The following MSL3 variants were observed in gnomAD, a reference collection of about 807,000 sequenced individuals.
MSL3 encodes MSL complex subunit 3.
Under a neutral mutation model 37.2 loss-of-function variants are expected in MSL3, and 5 were observed. The observed-to-expected ratio is 0.13, with a 90% CI of 0.07 to 0.28. MSL3 has a LOEUF of 0.28. Ranked by LOEUF, MSL3 falls within the 10% of genes least tolerant of loss-of-function variation. The pLI, the probability that MSL3 is intolerant of heterozygous loss-of-function variation, is 1.00. For synonymous variants in MSL3, 149 were observed against 147.6 expected, an observed-to-expected ratio of 1.01 and a Z score of -0.07; for missense variants, 315 against 408.5, an observed-to-expected ratio of 0.77 and a Z score of 1.97.
intron 9 of MSL3, chrX:11,767,357 G>A (rs973967264): frequency 1.7e-6 from 1 of 580,969 alleles, no homozygotes. Flanking sequence ...AAAGTTTTTA[G>A]TGTCTCCAGA....
intron 8 of MSL3, among the ~76,000 whole-genome samples, chrX:11,764,954 C>T (rs1007868500): frequency 6.2e-5 from 7 of 112,754 alleles, no homozygotes; most frequent in Admixed American, 2.8e-4. Context: ...GAGACTCCTC[C>T]GGGGTGGGTT....
At chrX:11,774,250 T>C (rs141643386) in intron 12 of MSL3, among the ~76,000 whole-genome samples, 2,473 of 112,791 alleles carry the variant, frequency 0.022, 59 homozygotes, top group African/African-American at 0.075. Flanking sequence ...TGTATGACTT[T>C]GCTCATATAA....
chrX:11,758,640 G>GC, intron 1 of MSL3: 11 of 1,158,081 alleles, frequency 9.5e-6, no homozygotes, highest in Admixed American at 2.7e-5. Context: ...TACCGTTTGC[G>GC]CCCCCGACTG....
intron 12 of MSL3, 130 bp downstream of exon 12, chrX:11,772,835 G>A: frequency 2.7e-6 from 1 of 375,157 alleles, no homozygotes; most frequent in East Asian, 4.5e-5. Context: ...AAGCATGGTT[G>A]GTTCTAACCG....
At chrX:11,765,423 G>A (rs1439823351) in intron 8 of MSL3, 44 bp from the exon 9 acceptor site, 2 of 1,153,026 alleles carry the variant, frequency 1.7e-6, no homozygotes, top group Admixed American at 2.7e-5. Context: ...CCATGTTCTG[G>A]AAAGGCCCTT....
rs200140696 is a variant in MSL3 at position 11,765,638 on chromosome X, G to C, written c.1080G>C (p.Arg360Ser). The change falls in exon 9 of 13, where the codon AGG becomes AGC. Residue 360 changes from arginine (R) to serine (S), a missense_variant. Physicochemically the swap from Arg to Ser is moderately radical, Grantham distance 110. Transcript: ENST00000312196. Reference protein sequence around the residue: ...RSTRHSANCDRLSESSASPQP... With the variant: ...RSTRHSANCDSLSESSASPQP... Reference sequence around the variant, plus strand: ...CGCGCCACAGTGCCAACTGTGACAGGCTTTCTGAGAGCAGCGCTTCACCTC... The same window carrying C: ...CGCGCCACAGTGCCAACTGTGACAGCCTTTCTGAGAGCAGCGCTTCACCTC... The C allele has an allele frequency of 8.3e-7, 1 of 1,210,220 alleles. No homozygotes were observed. Among genetic ancestry groups the C allele is most frequent in the Non-Finnish European group, 1.1e-6 (1 of 895,140 alleles).
At chrX:11,769,831 C>T (rs2053217261) in intron 10 of MSL3, among the ~76,000 whole-genome samples, 1 of 112,258 alleles carries the variant, frequency 8.9e-6, no homozygotes, top group Non-Finnish European at 1.9e-5. Context: ...GTCACCAACT[C>T]CTGAGCTCAA....
Position 11,775,061 on chromosome X carries a change from C to T in MSL3, c.1548C>T (p.Asn516=), listed in dbSNP as rs1225160878. The T allele has an allele frequency of 5.8e-6, 7 of 1,202,241 alleles. No homozygotes were observed. The highest frequency in any genetic ancestry group is 6.8e-6 in the Non-Finnish European group (6 of 887,771). Residue 516 remains asparagine, a synonymous_variant, in exon 13 of 13, where the codon AAC becomes AAT. Coordinates refer to ENST00000312196, the MANE Select transcript of MSL3 (RefSeq NM_078629.4). ...GTGAGGCACATTACAGCACCAAGAA[C>T]CCCCGGGCAATTTATTAAAATGTTG... The part of the protein sequence containing the change: ...AACEAHYSTK[N]PRAIY
At chrX:11,763,410 A>G (rs2053150467) in intron 7 of MSL3, among the ~76,000 whole-genome samples, 2 of 112,662 alleles carry the variant, frequency 1.8e-5, no homozygotes, top group African/African-American at 6.5e-5. Context: ...GAGAGGCAGA[A>G]AGGTGGAGTG....
At chrX:11,772,311 G>A in intron 11 of MSL3, 56 bp downstream of exon 11, 1 of 998,790 alleles carries the variant, frequency 1.0e-6, no homozygotes, top group Non-Finnish European at 1.4e-6. Context: ...TCTCTTGTTA[G>A]CTTTCTGTAC....
intron 12 of MSL3, among the ~76,000 whole-genome samples, chrX:11,774,603 C>T (rs968117331): frequency 8.9e-6 from 1 of 112,331 alleles, no homozygotes; most frequent in Non-Finnish European, 1.9e-5. Flanking sequence ...CAGGCGTGAA[C>T]CACAGTGCCC....
chrX:11,758,634 G>A, intron 1 of MSL3: 5 of 1,157,818 alleles, frequency 4.3e-6, no homozygotes, highest in Non-Finnish European at 5.8e-6. Flanking sequence ...CGGGGCTACC[G>A]TTTGCGCCCC....
intron 7 of MSL3, 117 bp from the exon 8 acceptor site, chrX:11,763,663 T>G: frequency 1.9e-6 from 1 of 515,175 alleles, no homozygotes; most frequent in Non-Finnish European, 3.3e-6. Context: ...TGTATGTAGG[T>G]GTAGTATATA....
At chrX:11,758,783 CAT>C in intron 1 of MSL3, 5 of 1,163,980 alleles carry the variant, frequency 4.3e-6, no homozygotes, top group Non-Finnish European at 5.7e-6. Flanking sequence ...GGTTCTAATT[CAT>C]AGTTACACGG....
Position 11,772,069 on chromosome X carries a change from TACG to T in MSL3, c.1282-86_1282-84del. 6.3e-6 allele frequency: 4 copies of T among 632,572 alleles called. No individual in the cohort carries two copies. In the Admixed American group the frequency reaches 8.8e-5, roughly 14 times the overall value. The allele number at this position is 632,572 out of a possible 1,213,427, so 52.1% of individuals were successfully genotyped here. On this transcript the variant is annotated intron_variant, in intron 10 of 12. Transcript: ENST00000312196. Reference sequence around the variant, plus strand: ...ATCCAATCACTTATTTTTTCCCCTCTACGTACAATTTACTGTCATAATTGTTAG... The same window carrying T: ...ATCCAATCACTTATTTTTTCCCCTCTTACAATTTACTGTCATAATTGTTAG...
chrX:11,760,532 C>G, intron 3 of MSL3, 34 bp downstream of exon 3: 1 of 1,032,393 alleles, frequency 9.7e-7, no homozygotes, highest in Non-Finnish European at 1.3e-6. Flanking sequence ...TAAATGTTAT[C>G]CAATGTGTTT....
intron 10 of MSL3, 129 bp downstream of exon 10, chrX:11,768,811 G>A (rs1394907204): frequency 4.0e-5 from 19 of 474,726 alleles, no homozygotes; most frequent in Middle Eastern, 5.2e-4. Flanking sequence ...AAAATTGTAC[G>A]TAATTTTATG....
At chrX:11,770,072 G>A (rs1465526307) in intron 10 of MSL3, among the ~76,000 whole-genome samples, 1 of 112,833 alleles carries the variant, frequency 8.9e-6, no homozygotes, top group African/African-American at 3.2e-5. Context: ...TAAACAAAGG[G>A]GTGTGGCTCT....
intron 4 of MSL3, chrX:11,761,149 C>A: frequency 2.5e-6 from 1 of 393,669 alleles, no homozygotes; most frequent in Non-Finnish European, 4.4e-6. Context: ...ACTGCCCTCT[C>A]GGCCAGCATC....
Sources: allele counts gnomAD v4.1 joint callset (sites outside exome capture counted in the v4.1 genomes callset), GRCh38; gene constraint gnomAD v4.1.1; transcripts MANE v1.5; gene names NCBI Gene and HGNC (gene_info 2026-07-23, HGNC 2026-07-21).